The following MTUS1 variants were observed in gnomAD, a reference collection of about 807,000 sequenced individuals.
MTUS1 encodes the protein microtubule associated scaffold protein 1, also known as microtubule-associated tumor suppressor 1.
Under a neutral mutation model 120.8 loss-of-function variants are expected in MTUS1, and 109 were observed. The ratio of observed to expected loss-of-function variants is 0.90; its 90% CI spans 0.77 to 1.06. MTUS1 has a LOEUF of 1.06. Ranked by LOEUF, MTUS1 falls within the 50% of genes least tolerant of loss-of-function variation. The probability of loss-of-function intolerance (pLI) is 0.00; values close to 1 mark genes in which losing one functional copy is unlikely to be tolerated. For synonymous variants in MTUS1, 737 were observed against 550.5 expected, an observed-to-expected ratio of 1.34 and a Z score of -4.74; for missense variants, 2,210 against 1,486.3, an observed-to-expected ratio of 1.49 and a Z score of -8.01.
chr8:17,676,060 TGAA>T (rs749256142), intron 7 of MTUS1: 12 of 566,914 alleles, frequency 2.1e-5, no homozygotes, highest in African/African-American at 1.5e-4. Flanking sequence ...AAAAAAAAAA[TGAA>T]GAATTTCAAA....
chr8:17,741,879 G>C (rs1386838608), intron 3 of MTUS1, among the ~76,000 whole-genome samples: 1 of 152,166 alleles, frequency 6.6e-6, no homozygotes, highest in East Asian at 1.9e-4. Context: ...ACACTTTCAA[G>C]ATGTGAAGAT....
chr8:17,721,808 C>G, intron 4 of MTUS1: 1 of 1,614,166 alleles, frequency 6.2e-7, no homozygotes, highest in South Asian at 1.1e-5. Flanking sequence ...TAGTGCCTCT[C>G]TGAACCAGCC....
chr8:17,687,660 TACC>T (rs1292946022), intron 6 of MTUS1, among the ~76,000 whole-genome samples: 1 of 152,180 alleles, frequency 6.6e-6, no homozygotes, highest in Non-Finnish European at 1.5e-5. Flanking sequence ...ACAAGATAAT[TACC>T]ACCATCAGCT....
intron 4 of MTUS1, chr8:17,722,321 CA>C (rs1434934012): frequency 1.0e-6 from 1 of 970,960 alleles, no homozygotes; most frequent in Non-Finnish European, 1.2e-6. Flanking sequence ...GTTGCCACAA[CA>C]GTTTTTCTAG....
intron 9 of MTUS1, chr8:17,654,879 A>G (rs1807865311): frequency 1.7e-6 from 1 of 571,998 alleles, no homozygotes; most frequent in East Asian, 2.8e-5. Context: ...CTTGGAGCCC[A>G]GCAGTTCAAG....
At chr8:17,666,039 C>T (rs1306636255) in intron 8 of MTUS1, among the ~76,000 whole-genome samples, 1 of 150,782 alleles carries the variant, frequency 6.6e-6, no homozygotes, top group South Asian at 2.1e-4. Context: ...CTGCAAAGGC[C>T]ATTTGCTGTT....
intron 2 of MTUS1, among the ~76,000 whole-genome samples, chr8:17,747,812 G>A (rs1328021077): frequency 1.3e-5 from 2 of 152,052 alleles, no homozygotes; most frequent in Admixed American, 1.3e-4. Flanking sequence ...AGGTTTAATT[G>A]GACTTAAGAG....
chr8:17,674,801 A>G, intron 8 of MTUS1: 1 of 1,030,004 alleles, frequency 9.7e-7, no homozygotes, highest in Non-Finnish European at 1.2e-6. Flanking sequence ...CCTTGGAAGT[A>G]CAACGGATTT....
chr8:17,700,584 G>T (rs185005554), intron 6 of MTUS1, among the ~76,000 whole-genome samples: 1 of 151,906 alleles, frequency 6.6e-6, no homozygotes, highest in East Asian at 1.9e-4. Flanking sequence ...AAACAAAAAC[G>T]ATTAAGTATA....
intron 5 of MTUS1, among the ~76,000 whole-genome samples, chr8:17,714,234 C>A (rs1821879633): frequency 6.6e-6 from 1 of 152,166 alleles, no homozygotes; most frequent in Non-Finnish European, 1.5e-5. Context: ...TCCTAAAATT[C>A]ATGCCTATTT....
Position 17,644,016 on chromosome 8 carries a change from T to TATTA in MTUS1, c.*1906_*1909dup, listed in dbSNP as rs1229222368. 1 of 152,362 alleles carries TATTA rather than the reference T, an allele frequency of 6.6e-6. No homozygotes were observed. Among genetic ancestry groups the TATTA allele is most frequent in the East Asian group, 1.9e-4 (1 of 5,192 alleles). The allele number at this position is 152,362 out of a possible 1,614,324, so 9.4% of individuals were successfully genotyped here. ...TCTCCCATCCTCCAAAGATGTTTTA[T>TATTA]ATTAACTGCTATGAGATTTATTTGC... On this transcript the variant is annotated 3_prime_UTR_variant, in exon 15 of 15. Transcript: ENST00000693296.
At chr8:17,752,576 A>G (rs139946421) in intron 2 of MTUS1, among the ~76,000 whole-genome samples, 28 of 152,334 alleles carry the variant, frequency 1.8e-4, no homozygotes, top group African/African-American at 6.7e-4. Context: ...AGAATCTAGA[A>G]TATCTTCGGT....
chr8:17,657,858 T>G (rs1808755070), intron 8 of MTUS1, among the ~76,000 whole-genome samples: 2 of 149,390 alleles, frequency 1.3e-5, no homozygotes, highest in East Asian at 2.0e-4. Flanking sequence ...TATATATGTA[T>G]ACATAGGTAC....
chr8:17,752,501 T>C (rs1483099940), intron 2 of MTUS1, among the ~76,000 whole-genome samples: 3 of 152,036 alleles, frequency 2.0e-5, no homozygotes, highest in Non-Finnish European at 2.9e-5. Flanking sequence ...CACTGTGGTG[T>C]ACCCTTCTTC....
Position 17,755,572 on chromosome 8 carries a change from A to T in MTUS1, c.236T>A (p.Val79Glu). 3 of 1,614,208 alleles carry T rather than the reference A, an allele frequency of 1.9e-6. No individual in the cohort carries two copies. The African/African-American group carries it at 4.0e-5, about 22-fold the overall frequency. ...ACTAGAAGACTTTTCATGACCAAAT[A>T]CTTCAACACCCTGAAGGCTTAAAGA... is the stretch of plus-strand genomic sequence containing the variant. Reference protein sequence around the residue: ...NISLSLQGVEVFGHEKSSSDF... With the variant: ...NISLSLQGVEEFGHEKSSSDF... The change falls in exon 2 of 15, where the codon GTA becomes GAA. Residue 79 changes from valine (V) to glutamate (E), a missense_variant. Physicochemically the swap from Val to Glu is moderately radical, Grantham distance 121 (BLOSUM62 -2). Transcript: ENST00000693296.
At chr8:17,664,755 G>A (rs1304743530) in intron 8 of MTUS1, among the ~76,000 whole-genome samples, 2 of 152,052 alleles carry the variant, frequency 1.3e-5, no homozygotes, top group Admixed American at 6.6e-5. Flanking sequence ...GAGGAAATCC[G>A]ATCCTGACAC....
At chr8:17,685,417 G>C (rs1815567566) in intron 6 of MTUS1, among the ~76,000 whole-genome samples, 1 of 149,544 alleles carries the variant, frequency 6.7e-6, no homozygotes, top group Non-Finnish European at 1.5e-5. Context: ...TTAGGTTCTT[G>C]AAATAAACAA....
At chr8:17,797,414 AAAAATAAAAT>A (rs764887030) in intron 1 of MTUS1, among the ~76,000 whole-genome samples, 2,351 of 141,292 alleles carry the variant, frequency 0.017, 26 homozygotes, top group Middle Eastern at 0.028. Flanking sequence ...TCCCGTCTCA[AAAAATAAAAT>A]AAAATAAAAT....
At chr8:17,734,990 T>G (rs142860396) in intron 3 of MTUS1, among the ~76,000 whole-genome samples, 2 of 152,156 alleles carry the variant, frequency 1.3e-5, no homozygotes, top group African/African-American at 4.8e-5. Context: ...CATAGCTCAC[T>G]GTAGACTCAA....
Sources: gnomAD v4.1 joint callset for allele counts (sites outside exome capture counted in the v4.1 genomes callset) on GRCh38, gnomAD v4.1.1 for gene constraint, MANE v1.5 for transcripts, NCBI Gene and HGNC (gene_info 2026-07-23, HGNC 2026-07-21) for gene names.